Variants in UGT1A10 observed in about 807,000 individuals in gnomAD.
UGT1A10 encodes UDP-glucuronosyltransferase 1A10.
A neutral mutation model predicts 45.8 loss-of-function variants in UGT1A10; 49 were observed. The observed-to-expected ratio is 1.07, with a 90% confidence interval of 0.85 to 1.36. UGT1A10 has a LOEUF of 1.36. Among genes scored for constraint, UGT1A10 ranks in the 40% most tolerant of loss-of-function variants. UGT1A10 has a pLI of 0.00. For missense variants in UGT1A10, 745 were observed against 668.6 expected, an observed-to-expected ratio of 1.11 and a Z score of -1.26; for synonymous variants, 284 against 249.7, an observed-to-expected ratio of 1.14 and a Z score of -1.29.
chr2:233,682,705 CTTTG>C lies in UGT1A10; in HGVS notation c.855+45332_855+45335del, dbSNP rs763830495. On this transcript the variant is annotated intron_variant, in intron 1 of 4. Coordinates refer to ENST00000344644, the MANE Select transcript of UGT1A10 (RefSeq NM_019075.4). ...CATCAATTTGGTTGTTGCGAACTGA[CTTTG>C]TTTTGGAGTATCCCAAACCCGTGAT... 3 of 1,613,868 alleles carry C rather than the reference CTTTG, an allele frequency of 1.9e-6. No individual in the cohort carries two copies. The South Asian group carries it at 3.3e-5, about 18-fold the overall frequency.
Position 233,713,643 on chromosome 2 carries a change from C to G in UGT1A10, c.856-53391C>G, listed in dbSNP as rs149715967. On this transcript the variant is annotated intron_variant, in intron 1 of 4. Transcript: ENST00000344644. ...AAGGGTCAAGAACATGCTCTACCCTCTGGCCCTGTCCTACCTTTGCCATGC... is the reference window on the plus strand; with the variant it reads ...AAGGGTCAAGAACATGCTCTACCCTGTGGCCCTGTCCTACCTTTGCCATGC... 717 of 1,613,992 alleles carry G rather than the reference C, an allele frequency of 4.4e-4. 2 individuals are homozygous for G. The highest frequency in any genetic ancestry group is 1.7e-3 in the South Asian group (154 of 91,058).
chr2:233,729,653 T>A, intron 1 of UGT1A10: 1 of 1,613,906 alleles, frequency 6.2e-7, no homozygotes, highest in Non-Finnish European at 8.5e-7. Context: ...TTGAGGAACA[T>A]TCCATGTGAT....
At chr2:233,646,558 T>A (rs1025962848) in intron 1 of UGT1A10, among the ~76,000 whole-genome samples, 2 of 152,162 alleles carry the variant, frequency 1.3e-5, no homozygotes, top group Admixed American at 1.3e-4. Flanking sequence ...TTACCCTAAA[T>A]CATCTTTCTA....
intron 1 of UGT1A10, among the ~76,000 whole-genome samples, chr2:233,690,060 C>T (rs1252081460): frequency 1.3e-5 from 2 of 152,154 alleles, no homozygotes; most frequent in African/African-American, 4.8e-5. Context: ...TTCTGCAGCC[C>T]CACCTCACAG....
At chr2:233,649,433 A>T (rs1367602350) in intron 1 of UGT1A10, among the ~76,000 whole-genome samples, 1 of 152,202 alleles carries the variant, frequency 6.6e-6, no homozygotes, top group Admixed American at 6.5e-5. Context: ...AACCTGTACT[A>T]CCTGCTGCAG....
At chr2:233,732,018 C>A (rs1393703380) in intron 1 of UGT1A10, among the ~76,000 whole-genome samples, 1 of 152,210 alleles carries the variant, frequency 6.6e-6, no homozygotes, top group East Asian at 1.9e-4. Context: ...TTTTGATTTG[C>A]ATTTCTCTGA....
intron 1 of UGT1A10, among the ~76,000 whole-genome samples, chr2:233,727,988 A>C (rs1274314392): frequency 6.6e-6 from 1 of 152,262 alleles, no homozygotes; most frequent in Non-Finnish European, 1.5e-5. Context: ...AGGTGGCATC[A>C]GCAATCTTGT....
chr2:233,745,781 C>A (rs1693207389), intron 1 of UGT1A10, among the ~76,000 whole-genome samples: 1 of 150,162 alleles, frequency 6.7e-6, no homozygotes, highest in Non-Finnish European at 1.5e-5. Flanking sequence ...TGAGCTTAGA[C>A]AGGGGGGCTG....
intron 1 of UGT1A10, among the ~76,000 whole-genome samples, chr2:233,695,937 TCTGCCAGATACCAG>T (rs1024121397): frequency 2.2e-4 from 34 of 152,244 alleles, no homozygotes; most frequent in Middle Eastern, 3.4e-3. Context: ...AGCAGGCAAT[TCTGCCAGATACCAG>T]CTGGGTGTCC....
At chr2:233,748,098 A>G (rs1489577021) in intron 1 of UGT1A10, 1 of 1,612,584 alleles carries the variant, frequency 6.2e-7, no homozygotes, top group African/African-American at 1.3e-5. Flanking sequence ...TCGTGCCTTC[A>G]TCCAATCAAT....
chr2:233,701,802 C>T (rs2075652671), intron 1 of UGT1A10, among the ~76,000 whole-genome samples: 2 of 152,046 alleles, frequency 1.3e-5, no homozygotes, highest in Non-Finnish European at 2.9e-5. Context: ...TCAACGAGAA[C>T]AAAGACACAA....
At chr2:233,762,499 T>G (rs1698093030) in intron 1 of UGT1A10, among the ~76,000 whole-genome samples, 1 of 152,234 alleles carries the variant, frequency 6.6e-6, no homozygotes, top group African/African-American at 2.4e-5. Context: ...GCTATTACTT[T>G]TTAAACTATG....
chr2:233,689,650 T>C (rs372119020), intron 1 of UGT1A10, among the ~76,000 whole-genome samples: 2 of 152,280 alleles, frequency 1.3e-5, no homozygotes, highest in South Asian at 4.1e-4. Context: ...TGCTCATGAG[T>C]GTGACTTCCT....
chr2:233,767,603 A>G (rs1699427666), intron 2 of UGT1A10, among the ~76,000 whole-genome samples: 1 of 152,166 alleles, frequency 6.6e-6, no homozygotes, highest in African/African-American at 2.4e-5. Context: ...GGAAAGTGAA[A>G]AAATCCTAAG....
chr2:233,678,294 C>T (rs866342037), intron 1 of UGT1A10, among the ~76,000 whole-genome samples: 82 of 152,234 alleles, frequency 5.4e-4, no homozygotes, highest in African/African-American at 1.8e-3. Context: ...CACATGTACT[C>T]CTGAATCTAA....
chr2:233,688,675 A>T (rs10173355), intron 1 of UGT1A10, among the ~76,000 whole-genome samples: 45,631 of 152,028 alleles, frequency 0.3, 7,184 homozygotes, highest in South Asian at 0.4. Context: ...GCTCTTTTTT[A>T]AAAAATTTAA....
intron 1 of UGT1A10, among the ~76,000 whole-genome samples, chr2:233,643,084 G>C (rs2073498287): frequency 6.6e-6 from 1 of 152,166 alleles, no homozygotes; most frequent in African/African-American, 2.4e-5. Flanking sequence ...ACGCCCTTGG[G>C]CTTTACAATC....
Position 233,729,585 on chromosome 2 carries a change from C to T in UGT1A10, c.856-37449C>T, listed in dbSNP as rs138617806. ...CCTTTGATGTGGTTTTAACAGACCC[C>T]GTTAACCTCTGCGCGGCAGTGCTGG... On this transcript the variant is annotated intron_variant, in intron 1 of 4. Transcript: ENST00000344644. 5.8e-5 allele frequency: 94 copies of T among 1,614,084 alleles called. 1 individual carries two copies. Among genetic ancestry groups the T allele is most frequent in the East Asian group, 4.2e-4 (19 of 44,882 alleles).
chr2:233,668,452 C>G lies in UGT1A10; in HGVS notation c.855+31075C>G, dbSNP rs534272894. ...TGCCACATTTTCTTAATCCAGTCTA[C>G]CACTGATGGACATTTGGGTTGCTTC... On this transcript the variant is annotated intron_variant, in intron 1 of 4. Transcript: ENST00000344644. Among the ~76,000 whole-genome samples, 8 of 152,288 alleles carry G rather than the reference C, an allele frequency of 5.3e-5. No individual in the cohort carries two copies. The South Asian group carries it at 1.7e-3, about 32-fold the overall frequency.
Sources: allele counts gnomAD v4.1 joint callset (sites outside exome capture counted in the v4.1 genomes callset), GRCh38; gene constraint gnomAD v4.1.1; transcripts MANE v1.5; gene names NCBI Gene and HGNC (gene_info 2026-07-23, HGNC 2026-07-21).